SCAPER: variants seen among roughly 807,000 people sequenced by gnomAD.
SCAPER encodes the protein S-phase cyclin A associated protein in the ER.
In SCAPER, 98 loss-of-function variants were observed where a neutral mutation model predicts 182.2. That is an observed-to-expected ratio of 0.54 (90% CI 0.46 to 0.64). SCAPER has a LOEUF of 0.64. SCAPER is among the 30% of genes least tolerant of loss of function. The pLI is 0.00. For synonymous variants in SCAPER, 605 were observed against 564.6 expected (o/e 1.07, Z -1.01); for missense variants, 1,432 against 1,690.0 (o/e 0.85, Z 2.68).
intron 20 of SCAPER, among the ~76,000 whole-genome samples, chr15:76,687,963 G>A (rs1395417284): frequency 6.6e-6 from 1 of 152,070 alleles, no homozygotes; most frequent in East Asian, 1.9e-4. Flanking sequence ...CCCAGTAATG[G>A]GATGGTTGGG....
At chr15:76,671,127 C>T (rs2056984976) in intron 20 of SCAPER, among the ~76,000 whole-genome samples, 1 of 151,148 alleles carries the variant, frequency 6.6e-6, no homozygotes, top group African/African-American at 2.4e-5. Flanking sequence ...GATCGTCGAG[C>T]CCAGGAGTTC....
intron 5 of SCAPER, among the ~76,000 whole-genome samples, chr15:76,836,379 T>C (rs1008883111): frequency 2.6e-5 from 4 of 151,976 alleles, no homozygotes; most frequent in African/African-American, 7.2e-5. Context: ...CATATAACAA[T>C]GAAACTAGTT....
intron 5 of SCAPER, among the ~76,000 whole-genome samples, chr15:76,808,658 T>A (rs1428884255): frequency 6.6e-6 from 1 of 152,160 alleles, no homozygotes; most frequent in Non-Finnish European, 1.5e-5. Context: ...TGCAGGAAAT[T>A]AGCAGTCTTC....
At chr15:76,382,767 G>C (rs147137227) in intron 27 of SCAPER, among the ~76,000 whole-genome samples, 1 of 152,202 alleles carries the variant, frequency 6.6e-6, no homozygotes, top group Non-Finnish European at 1.5e-5. Context: ...CAGAGCTAAT[G>C]GGGTAGAGGG....
In SCAPER at chr15:76,454,656, G is replaced by C. The variant is rs904579047; in HGVS notation, c.3078+16556C>G. Among the ~76,000 whole-genome samples, 20 of 152,178 alleles carry C rather than the reference G, an allele frequency of 1.3e-4. 1 individual carries two copies. The highest frequency in any genetic ancestry group is 4.1e-4 in the African/African-American group (17 of 41,550). On this transcript the variant is annotated intron_variant, in intron 25 of 31. Transcript: ENST00000563290. The stretch of plus-strand genomic sequence containing the variant: ...TTAGAATTTTGACATCTTGGTTCAT[G>C]AGAGAGACTGGCTTGTAATTTTTTT...
intron 1 of SCAPER, among the ~76,000 whole-genome samples, chr15:76,897,802 A>G (rs934708312): frequency 1.3e-5 from 2 of 152,206 alleles, no homozygotes; most frequent in African/African-American, 4.8e-5. Context: ...CTCCTGTTCA[A>G]TTAGGCACCT....
intron 29 of SCAPER, among the ~76,000 whole-genome samples, chr15:76,355,816 G>A (rs1275608967): frequency 2.0e-5 from 3 of 152,162 alleles, no homozygotes; most frequent in Non-Finnish European, 4.4e-5. Context: ...TTCCCTCAAG[G>A]AACAGAGCTA....
chr15:76,617,395 T>C (rs2051589835), intron 22 of SCAPER, among the ~76,000 whole-genome samples: 1 of 152,226 alleles, frequency 6.6e-6, no homozygotes. Flanking sequence ...CCTTTGTCGT[T>C]GCATCAGTAA....
At chr15:76,900,875 A>C (rs1398766100) in intron 1 of SCAPER, among the ~76,000 whole-genome samples, 1 of 152,192 alleles carries the variant, frequency 6.6e-6, no homozygotes, top group Non-Finnish European at 1.5e-5. Flanking sequence ...TAAATTGTAG[A>C]AAAATTGAGG....
chr15:76,900,571 T>C (rs1035386463), intron 1 of SCAPER, among the ~76,000 whole-genome samples: 2 of 152,052 alleles, frequency 1.3e-5, no homozygotes, highest in African/African-American at 2.4e-5. Flanking sequence ...TCTGAACAAG[T>C]TCCTGCCTTG....
At chr15:76,437,333 T>C (rs2142585639) in intron 25 of SCAPER, among the ~76,000 whole-genome samples, 1 of 152,194 alleles carries the variant, frequency 6.6e-6, no homozygotes, top group Admixed American at 6.5e-5. Flanking sequence ...TTTGGGCAAC[T>C]GTCTTTCAAT....
chr15:76,648,012 A>G (rs1269630782), intron 21 of SCAPER, among the ~76,000 whole-genome samples: 1 of 152,216 alleles, frequency 6.6e-6, no homozygotes, highest in Non-Finnish European at 1.5e-5. Flanking sequence ...AAACCCAGAC[A>G]TAGAGCAATG....
intron 14 of SCAPER, among the ~76,000 whole-genome samples, chr15:76,763,312 T>C (rs1207575993): frequency 6.8e-6 from 1 of 148,078 alleles, no homozygotes; most frequent in East Asian, 2.0e-4. Context: ...GCCTGGAAGA[T>C]TCATGTTGAG....
chr15:76,796,098 T>G (rs574118549), intron 7 of SCAPER, among the ~76,000 whole-genome samples: 146 of 152,230 alleles, frequency 9.6e-4, no homozygotes, highest in African/African-American at 3.3e-3. Flanking sequence ...ATGCATTAAT[T>G]CGTCAATCTT....
chr15:76,376,385 G>A (rs2042568049), intron 28 of SCAPER, 74 bp from the exon 29 acceptor site: 1 of 1,459,030 alleles, frequency 6.9e-7, no homozygotes, highest in African/African-American at 1.4e-5. Context: ...AAGCAAGACT[G>A]GCCCTGTGTA....
chr15:76,550,257 G>A (rs1010613104), intron 23 of SCAPER, among the ~76,000 whole-genome samples: 6 of 152,118 alleles, frequency 3.9e-5, no homozygotes, highest in African/African-American at 1.4e-4. Context: ...ACATAGGTAA[G>A]TGTGTGCCAT....
At chr15:76,873,865 T>C (rs1595866702) in intron 2 of SCAPER, among the ~76,000 whole-genome samples, 1 of 152,262 alleles carries the variant, frequency 6.6e-6, no homozygotes, top group East Asian at 1.9e-4. Flanking sequence ...CCCCATGTGT[T>C]TGGAAGTTAA....
intron 15 of SCAPER, among the ~76,000 whole-genome samples, chr15:76,739,060 C>T (rs1175445276): frequency 6.6e-6 from 1 of 152,100 alleles, no homozygotes; most frequent in South Asian, 2.1e-4. Context: ...AACTATTGCA[C>T]AGTATCTACA....
intron 8 of SCAPER, among the ~76,000 whole-genome samples, chr15:76,786,802 T>C (rs924818230): frequency 1.3e-5 from 2 of 152,300 alleles, no homozygotes; most frequent in East Asian, 1.9e-4. Flanking sequence ...TTCAGTAAAG[T>C]TGCAGGATAC....
Sources: allele counts gnomAD v4.1 joint callset (sites outside exome capture counted in the v4.1 genomes callset), GRCh38; gene constraint gnomAD v4.1.1; transcripts MANE v1.5; gene names NCBI Gene and HGNC (gene_info 2026-07-23, HGNC 2026-07-21).